ZNF324B: variants seen among roughly 807,000 people sequenced by gnomAD.
ZNF324B encodes the protein zinc finger protein 324B.
In ZNF324B, 7 loss-of-function variants were observed where a neutral mutation model predicts 10.6. That is an observed-to-expected ratio of 0.66 (90% CI 0.38 to 1.24). The LOEUF (loss-of-function observed/expected upper bound fraction) is 1.24, where lower values mean the gene tolerates loss of function less well. Ranked by LOEUF, ZNF324B falls within the 50% of genes most tolerant of loss-of-function variation. The pLI is 0.02. For synonymous variants in ZNF324B, 316 were observed against 321.0 expected (o/e 0.98, Z 0.17); for missense variants, 640 against 764.7 (o/e 0.84, Z 1.92).
chr19:58,434,733 C>G, the ZNF324B span: 2 of 1,614,198 alleles, frequency 1.2e-6, no homozygotes, highest in South Asian at 1.1e-5. Flanking sequence ...AGTTGCTGCA[C>G]TCGAAGAGTT....
At position 58,455,143 on chromosome 19, in the gene ZNF324B, A is replaced by G. The variant is rs780919753; in HGVS notation, c.239-40A>G. ...CTCAGCCTGCCCTGGTCCTCTCCTA[A>G]CCAGGATGCCCCAGGCAACCACCGT... is the stretch of plus-strand genomic sequence containing the variant. On this transcript the variant is annotated intron_variant, in intron 3 of 3. Coordinates refer to ENST00000336614, the MANE Select transcript of ZNF324B (RefSeq NM_207395.3). The surrounding 1 kb of genome is among the most constrained non-coding windows in gnomAD (Gnocchi z 7.0). 84 of 1,612,842 alleles carry G rather than the reference A, an allele frequency of 5.2e-5. No homozygotes were observed. Among genetic ancestry groups the G allele is most frequent in the Non-Finnish European group, 6.5e-5 (77 of 1,179,670 alleles).
the ZNF324B span, chr19:58,437,359 T>G: frequency 1.0e-6 from 1 of 1,000,192 alleles, no homozygotes; most frequent in Middle Eastern, 2.2e-4. Context: ...ACAGCTTATC[T>G]TCTTCCTCAG....
chr19:58,427,342 TCTCTTTC>T, the ZNF324B span, among the ~76,000 whole-genome samples: 9,447 of 39,774 alleles, frequency 0.24, 444 homozygotes, highest in Non-Finnish European at 0.25. Flanking sequence ...TTTCTTTCTT[TCTCTTTC>T]CTTTCTTTCT....
At chr19:58,452,554 C>A (rs1333826690) in intron 1 of ZNF324B, 12 of 206,152 alleles carry the variant, frequency 5.8e-5, no homozygotes, top group Non-Finnish European at 1.0e-4. Context: ...GAACTAAGTA[C>A]CCCATGTTGT....
At chr19:58,431,977 A>C in the ZNF324B span, among the ~76,000 whole-genome samples, 2 of 151,986 alleles carry the variant, frequency 1.3e-5, no homozygotes, top group East Asian at 1.9e-4. Context: ...CTTGGGCGAC[A>C]GAGCAAGACT....
the ZNF324B span, chr19:58,445,348 C>T: frequency 2.0e-6 from 1 of 505,770 alleles, no homozygotes; most frequent in East Asian, 5.5e-5. Flanking sequence ...GCAGCTCCTG[C>T]CTTGATGTGC....
the ZNF324B span, chr19:58,440,291 T>C: frequency 1.7e-5 from 3 of 179,616 alleles, no homozygotes; most frequent in Admixed American, 1.9e-4. Context: ...GTTGCCAAGG[T>C]GATTGAGGAA....
chr19:58,427,237 TCTC>T, the ZNF324B span, among the ~76,000 whole-genome samples: 3 of 151,710 alleles, frequency 2.0e-5, no homozygotes, highest in African/African-American at 7.3e-5. Context: ...CTCAAGCAAT[TCTC>T]CTGCCTCCTG....
chr19:58,443,632 G>C, the ZNF324B span: 1 of 152,350 alleles, frequency 6.6e-6, no homozygotes, highest in African/African-American at 2.4e-5. Flanking sequence ...CATATCACAT[G>C]CAGCTGGGTC....
At chr19:58,439,760 T>C in the ZNF324B span, 2 of 1,537,902 alleles carry the variant, frequency 1.3e-6, no homozygotes, top group South Asian at 2.4e-5. Flanking sequence ...TCCACTTACC[T>C]GCGCCGGGCC....
the ZNF324B span, chr19:58,445,570 C>A: frequency 2.1e-6 from 1 of 487,098 alleles, no homozygotes; most frequent in Non-Finnish European, 4.1e-6. Context: ...AATCCCAGCA[C>A]TTTGGGAGGC....
the ZNF324B span, chr19:58,443,975 A>T: frequency 6.6e-6 from 1 of 152,286 alleles, no homozygotes; most frequent in Non-Finnish European, 1.5e-5. Flanking sequence ...ACAAATGAAG[A>T]GACCTGGCTG....
chr19:58,421,007 A>G, the ZNF324B span, among the ~76,000 whole-genome samples: 1 of 149,046 alleles, frequency 6.7e-6, no homozygotes, highest in African/African-American at 2.5e-5. Flanking sequence ...CCCAGCCTAT[A>G]TACCCACTTT....
chr19:58,423,018 C>T, the ZNF324B span, among the ~76,000 whole-genome samples: 1 of 151,528 alleles, frequency 6.6e-6, no homozygotes, highest in Admixed American at 6.6e-5. Context: ...TACAGGTGCA[C>T]GCCACTATGC....
the ZNF324B span, among the ~76,000 whole-genome samples, chr19:58,425,612 A>G: frequency 3.3e-5 from 5 of 151,594 alleles, no homozygotes; most frequent in Non-Finnish European, 7.4e-5. Flanking sequence ...CTGGGATTAC[A>G]GCCGCCACCA....
At chr19:58,454,711 T>G in intron 3 of ZNF324B, 1 of 564,056 alleles carries the variant, frequency 1.8e-6, no homozygotes, top group South Asian at 2.4e-5. Context: ...AGGACACTCA[T>G]GGTCCTGCCT....
upstream of ZNF324B, among the ~76,000 whole-genome samples, chr19:58,448,999 G>C (rs2052839236): frequency 6.6e-6 from 1 of 152,214 alleles, no homozygotes; most frequent in Admixed American, 6.5e-5. Flanking sequence ...AGAGACCTTT[G>C]TGGCAGCCCT....
the ZNF324B span, among the ~76,000 whole-genome samples, chr19:58,422,811 ATG>A: frequency 3.9e-5 from 6 of 152,212 alleles, no homozygotes; most frequent in Non-Finnish European, 8.8e-5. Context: ...CAAAAAAAAA[ATG>A]ATACAAACAA....
chr19:58,427,437 T>TC, the ZNF324B span, among the ~76,000 whole-genome samples: 2 of 33,684 alleles, frequency 5.9e-5, no homozygotes, highest in Non-Finnish European at 1.1e-4. Context: ...CTTCCTTCCT[T>TC]CCTTCCTTTC....
Sources: gnomAD v4.1 joint callset for allele counts (sites outside exome capture counted in the v4.1 genomes callset) on GRCh38, gnomAD v4.1.1 for gene constraint, Gnocchi (gnomAD v3.1) non-coding constraint, MANE v1.5 for transcripts, NCBI Gene and HGNC (gene_info 2026-07-23, HGNC 2026-07-21) for gene names.